Variants in EYS observed in about 807,000 individuals in gnomAD.
EYS encodes the protein EGF-like photoreceptor maintenance factor.
A neutral mutation model predicts 282.1 loss-of-function variants in EYS; 250 were observed. That is an observed-to-expected ratio of 0.89 (90% confidence interval 0.80 to 0.98). The LOEUF is 0.98. Ranked by LOEUF, EYS falls within the 50% of genes least tolerant of loss-of-function variation. The pLI, the probability that EYS is intolerant of heterozygous loss-of-function variation, is 0.00. For synonymous variants in EYS, 1,355 were observed against 1,282.9 expected (o/e 1.06, Z -1.20); for missense variants, 4,016 against 3,709.0 (o/e 1.08, Z -2.15).
chr6:64,906,594 A>G (rs16896002), intron 16 of EYS, among the ~76,000 whole-genome samples: 8,568 of 152,290 alleles, frequency 0.056, 402 homozygotes, highest in African/African-American at 0.13. Context: ...CTTGTCTCCC[A>G]TGATACTGCA....
intron 2 of EYS, among the ~76,000 whole-genome samples, chr6:65,572,136 T>C (rs1010636742): frequency 6.6e-6 from 1 of 152,082 alleles, no homozygotes; most frequent in African/African-American, 2.4e-5. Context: ...AAACAGAATA[T>C]GGCGTTTAAT....
intron 26 of EYS, among the ~76,000 whole-genome samples, chr6:64,443,695 G>A (rs1416147681): frequency 3.9e-5 from 6 of 152,062 alleles, no homozygotes; most frequent in Admixed American, 1.3e-4. Flanking sequence ...TTCTCTCTTT[G>A]CCTGCTGCCA....
At chr6:64,534,953 A>G (rs2149795539) in intron 26 of EYS, among the ~76,000 whole-genome samples, 1 of 152,250 alleles carries the variant, frequency 6.6e-6, no homozygotes, top group South Asian at 2.1e-4. Flanking sequence ...ACATACACAT[A>G]ACACCTATAT....
intron 1 of EYS, among the ~76,000 whole-genome samples, chr6:65,675,207 C>T (rs907283795): frequency 2.7e-5 from 4 of 150,422 alleles, no homozygotes; most frequent in Non-Finnish European, 3.0e-5. Context: ...ACAAGAAAAG[C>T]TACAAGATAG....
intron 12 of EYS, among the ~76,000 whole-genome samples, chr6:65,225,669 G>C (rs1405787091): frequency 6.7e-6 from 1 of 149,576 alleles, no homozygotes; most frequent in African/African-American, 2.5e-5. Context: ...AGCCAAGATT[G>C]TGCCATTGCA....
At chr6:65,415,804 C>T (rs1334837638) in intron 5 of EYS, among the ~76,000 whole-genome samples, 1 of 151,914 alleles carries the variant, frequency 6.6e-6, no homozygotes, top group Non-Finnish European at 1.5e-5. Context: ...TAAATGGTTG[C>T]TTAGCATATT....
At chr6:64,143,831 A>C (rs139019725) in intron 31 of EYS, among the ~76,000 whole-genome samples, 2,849 of 152,292 alleles carry the variant, frequency 0.019, 77 homozygotes, top group African/African-American at 0.064. Flanking sequence ...AATTATTCTT[A>C]ATTAACTGCC....
chr6:65,515,457 C>T (rs1010597002), intron 2 of EYS, among the ~76,000 whole-genome samples: 6 of 151,438 alleles, frequency 4.0e-5, no homozygotes, highest in African/African-American at 1.2e-4. Flanking sequence ...ACCCAAAGGA[C>T]TATAAATCAT....
intron 12 of EYS, among the ~76,000 whole-genome samples, chr6:65,167,223 C>T (rs1320416912): frequency 6.6e-6 from 1 of 151,118 alleles, no homozygotes; most frequent in Admixed American, 6.6e-5. Flanking sequence ...AAAATATGTA[C>T]ATGTATGATG....
intron 29 of EYS, among the ~76,000 whole-genome samples, chr6:64,347,624 A>G (rs959909099): frequency 5.3e-5 from 8 of 151,462 alleles, no homozygotes; most frequent in Non-Finnish European, 1.2e-4. Context: ...AGGCACTCCA[A>G]CATGATTTCC....
At chr6:65,010,445 C>A (rs914848329) in intron 13 of EYS, among the ~76,000 whole-genome samples, 3 of 152,290 alleles carry the variant, frequency 2.0e-5, no homozygotes, top group Admixed American at 2.0e-4. Context: ...AACTCTTAAC[C>A]CAGCCACATT....
intron 24 of EYS, among the ~76,000 whole-genome samples, chr6:64,603,454 ACAC>A (rs1766825313): frequency 1.3e-5 from 2 of 152,032 alleles, no homozygotes; most frequent in East Asian, 3.9e-4. Context: ...TCCCAAGAGC[ACAC>A]AGAACTTCGC....
intron 12 of EYS, among the ~76,000 whole-genome samples, chr6:65,129,282 C>T (rs1446537473): frequency 6.6e-6 from 1 of 151,844 alleles, no homozygotes; most frequent in Non-Finnish European, 1.5e-5. Flanking sequence ...TGGCTAAATC[C>T]TTAAACGCAA....
intron 31 of EYS, among the ~76,000 whole-genome samples, chr6:64,211,337 C>T (rs1263841097): frequency 6.6e-6 from 1 of 152,076 alleles, no homozygotes; most frequent in Non-Finnish European, 1.5e-5. Context: ...GATCAAAAGA[C>T]AGTTGATAGA....
intron 26 of EYS, among the ~76,000 whole-genome samples, chr6:64,486,344 G>A (rs553345162): frequency 5.3e-5 from 8 of 151,358 alleles, no homozygotes; most frequent in South Asian, 2.1e-4. Flanking sequence ...CTTACAACTC[G>A]CTCCAGAGTA....
At chr6:65,249,520 A>G (rs1280127908) in intron 12 of EYS, among the ~76,000 whole-genome samples, 1 of 151,862 alleles carries the variant, frequency 6.6e-6, no homozygotes, top group Non-Finnish European at 1.5e-5. Flanking sequence ...CAAAAGGCCT[A>G]AATCCACAAA....
chr6:64,957,255 G>A (rs1769741125), intron 14 of EYS, among the ~76,000 whole-genome samples: 1 of 152,166 alleles, frequency 6.6e-6, no homozygotes, highest in Non-Finnish European at 1.5e-5. Context: ...AGAAGAATGA[G>A]ATCCTGTCAT....
chr6:65,471,964 T>C (rs1479973961), intron 5 of EYS, among the ~76,000 whole-genome samples: 1 of 152,150 alleles, frequency 6.6e-6, no homozygotes. Flanking sequence ...TGTTTTATAG[T>C]GTTAAACTCT....
At chr6:64,378,897 G>C (rs1772652834) in intron 29 of EYS, among the ~76,000 whole-genome samples, 1 of 152,162 alleles carries the variant, frequency 6.6e-6, no homozygotes, top group African/African-American at 2.4e-5. Flanking sequence ...CAAAGTCTTA[G>C]CACTAAGAGG....
Sources: gnomAD v4.1 joint callset for allele counts (sites outside exome capture counted in the v4.1 genomes callset) on GRCh38, gnomAD v4.1.1 for gene constraint, MANE v1.5 for transcripts, NCBI Gene and HGNC (gene_info 2026-07-23, HGNC 2026-07-21) for gene names.